Variants in CRY2 observed in about 807,000 individuals in gnomAD.
CRY2 encodes cryptochrome-2.
CRY2 carries 31 observed loss-of-function variants against 69.5 expected under a neutral mutation model. That is an observed-to-expected ratio of 0.45 (90% CI 0.34 to 0.60). The LOEUF is 0.60. CRY2 is among the 20% of genes least tolerant of loss of function. The probability of loss-of-function intolerance (pLI) is 0.02; values close to 1 mark genes in which losing one functional copy is unlikely to be tolerated. For missense variants in CRY2, 606 were observed against 797.8 expected (o/e 0.76, Z 2.90); for synonymous variants, 303 against 312.2 (o/e 0.97, Z 0.31).
chr11:45,847,526 C>T lies in CRY2; in HGVS notation c.36C>T (p.Ala12=). 2 of 1,587,878 alleles carry T rather than the reference C, an allele frequency of 1.3e-6. No individual in the cohort carries two copies. Among genetic ancestry groups the T allele is most frequent in the South Asian group, 1.1e-5 (1 of 88,648 alleles). Reference sequence around the variant, plus strand: ...CTGTGGCGACGGCGGCAGCTGTGGCCCCGGCGCCAGCGCCCGGCACGGACA... The same window carrying T: ...CTGTGGCGACGGCGGCAGCTGTGGCTCCGGCGCCAGCGCCCGGCACGGACA... ...AATVATAAAV[A]PAPAPGTDSA... Residue 12 remains alanine (A), a synonymous_variant, in exon 1 of 12, where the codon GCC becomes GCT. Coordinates refer to ENST00000616080, the MANE Select transcript of CRY2 (RefSeq NM_021117.5).
chr11:45,857,530 A>C (rs550797400), intron 2 of CRY2, among the ~76,000 whole-genome samples: 1 of 152,312 alleles, frequency 6.6e-6, no homozygotes, highest in South Asian at 2.1e-4. Context: ...AGCTTCTGCT[A>C]GGTACTAGGC....
chr11:45,875,483 G>A (rs1318904601), intron 11 of CRY2, among the ~76,000 whole-genome samples: 6 of 152,202 alleles, frequency 3.9e-5, no homozygotes, highest in Admixed American at 6.5e-5. Context: ...TGAGAGGCTT[G>A]ACAGTGATTC....
At chr11:45,866,730 G>A (rs1009195549) in intron 5 of CRY2, among the ~76,000 whole-genome samples, 1 of 152,212 alleles carries the variant, frequency 6.6e-6, no homozygotes, top group Non-Finnish European at 1.5e-5. Flanking sequence ...GGAGGCTGAA[G>A]AGAGTCAAGG....
At chr11:45,861,925 T>C in intron 4 of CRY2, 135 bp from the exon 5 acceptor site, 1 of 745,514 alleles carries the variant, frequency 1.3e-6, no homozygotes, top group Non-Finnish European at 2.2e-6. Context: ...GCTAAAACTT[T>C]AAGGATTATC....
chr11:45,853,079 C>A (rs1440920522), intron 1 of CRY2, among the ~76,000 whole-genome samples: 1 of 152,180 alleles, frequency 6.6e-6, no homozygotes, highest in African/African-American at 2.4e-5. Context: ...ACATGTCAAG[C>A]CTGACAGATT....
At chr11:45,874,068 G>A (rs914040826) in intron 11 of CRY2, among the ~76,000 whole-genome samples, 1 of 152,074 alleles carries the variant, frequency 6.6e-6, no homozygotes, top group Non-Finnish European at 1.5e-5. Flanking sequence ...GATCACCTGA[G>A]GTTGGGGGTT....
chr11:45,874,889 G>T (rs1247458510), intron 11 of CRY2, among the ~76,000 whole-genome samples: 1 of 152,180 alleles, frequency 6.6e-6, no homozygotes, highest in East Asian at 1.9e-4. Context: ...GTTGCAGTGA[G>T]CCAAGATCGT....
At chr11:45,877,447 G>T (rs920890908) in intron 11 of CRY2, among the ~76,000 whole-genome samples, 2 of 152,242 alleles carry the variant, frequency 1.3e-5, no homozygotes, top group African/African-American at 4.8e-5. Context: ...AGGAGCATAG[G>T]GACGGGCAGA....
intron 4 of CRY2, chr11:45,861,610 A>G: frequency 5.6e-6 from 1 of 178,268 alleles, no homozygotes; most frequent in South Asian, 1.2e-4. Flanking sequence ...CCCAGCTAAT[A>G]TTTGTATTTT....
rs2086485588 is a variant in CRY2, at chr11:45,882,717, G to A, written c.*1806G>A. 2.5e-6 allele frequency: 1 copy of A among 398,858 alleles called. No homozygotes were observed. 24.7% of individuals were successfully genotyped at this position (398,858 alleles called of 1,614,324 possible). ...CCCCAGTCGAGAGGAAAGAGAATCG[G>A]GCCACTGCCAGAAAGAGAGTCAAGC... is the stretch of plus-strand genomic sequence containing the variant. On this transcript the variant is annotated 3_prime_UTR_variant, in exon 12 of 12. Transcript: ENST00000616080.
At chr11:45,880,076 A>T (rs962113428) in intron 11 of CRY2, among the ~76,000 whole-genome samples, 1 of 152,188 alleles carries the variant, frequency 6.6e-6, no homozygotes, top group Non-Finnish European at 1.5e-5. Context: ...TAGGACTTCA[A>T]CATAAGAATT....
rs2086369737 is a variant in CRY2, at chr11:45,870,519, C to T, written c.1536C>T (p.Arg512=). The T allele has an allele frequency of 2.5e-6, 4 of 1,614,108 alleles. No homozygotes were observed. The East Asian group carries it at 6.7e-5, about 27-fold the overall frequency. The change falls in exon 9 of 12, where the codon CGC becomes CGT. Residue 512 remains arginine, a synonymous_variant. Transcript: ENST00000616080. ...RMKQIYQQLS[R]YRGLCLLASV... is the part of the protein sequence containing the mutation. Reference sequence around the variant, plus strand: ...AGCAGATTTACCAGCAGCTTTCGCGCTACCGGGGACTCTGTAAGGAGACAA... The same window carrying T: ...AGCAGATTTACCAGCAGCTTTCGCGTTACCGGGGACTCTGTAAGGAGACAA...
At chr11:45,861,930 A>G in intron 4 of CRY2, 130 bp from the exon 5 acceptor site, 1 of 766,306 alleles carries the variant, frequency 1.3e-6, no homozygotes, top group Non-Finnish European at 2.1e-6. Context: ...AACTTTAAGG[A>G]TTATCTAACC....
chr11:45,856,487 C>G (rs1565057209), intron 2 of CRY2, among the ~76,000 whole-genome samples: 1 of 152,188 alleles, frequency 6.6e-6, no homozygotes, highest in Non-Finnish European at 1.5e-5. Context: ...TTGCTTTGCT[C>G]TGCTTATTGG....
intron 11 of CRY2, among the ~76,000 whole-genome samples, chr11:45,875,089 T>G (rs970426547): frequency 2.6e-5 from 4 of 152,234 alleles, no homozygotes; most frequent in Non-Finnish European, 4.4e-5. Flanking sequence ...AATCACTGAC[T>G]TAGACCAATC....
intron 5 of CRY2, among the ~76,000 whole-genome samples, chr11:45,866,441 CAGG>C (rs2086331315): frequency 6.6e-6 from 1 of 152,136 alleles, no homozygotes; most frequent in Non-Finnish European, 1.5e-5. Context: ...TGGGAGATAC[CAGG>C]AGATGTGGAG....
intron 11 of CRY2, among the ~76,000 whole-genome samples, chr11:45,875,225 G>A (rs2086416151): frequency 6.6e-6 from 1 of 152,232 alleles, no homozygotes; most frequent in South Asian, 2.1e-4. Flanking sequence ...TTACTCAAGT[G>A]TGTGGGTCAT....
At chr11:45,859,126 T>C (rs986244993) in intron 3 of CRY2, among the ~76,000 whole-genome samples, 1 of 151,910 alleles carries the variant, frequency 6.6e-6, no homozygotes, top group Non-Finnish European at 1.5e-5. Flanking sequence ...ACACTCAGGG[T>C]ATTTACAAAT....
At chr11:45,871,140 G>T (rs1209754985) in intron 10 of CRY2, among the ~76,000 whole-genome samples, 1 of 152,012 alleles carries the variant, frequency 6.6e-6, no homozygotes, top group East Asian at 1.9e-4. Flanking sequence ...CAGAGGGACT[G>T]GGAAAGAAGG....
Sources: gnomAD v4.1 joint callset for allele counts (sites outside exome capture counted in the v4.1 genomes callset) on GRCh38, gnomAD v4.1.1 for gene constraint, MANE v1.5 for transcripts, NCBI Gene and HGNC (gene_info 2026-07-23, HGNC 2026-07-21) for gene names.